The following LUC7L variants were observed in gnomAD, a reference collection of about 807,000 sequenced individuals.
The protein encoded by LUC7L is LUC7 like, also known as putative RNA-binding protein Luc7-like 1.
In LUC7L, 29 loss-of-function variants were observed where a neutral mutation model predicts 51.1. The ratio of observed to expected loss-of-function variants is 0.57; its 90% CI spans 0.42 to 0.77. The LOEUF (loss-of-function observed/expected upper bound fraction) is 0.77. LUC7L is among the 30% of genes least tolerant of loss of function. The pLI, the probability that LUC7L is intolerant of heterozygous loss-of-function variation, is 0.00. For missense variants in LUC7L, 403 were observed against 511.9 expected (o/e 0.79, Z 2.05); for synonymous variants, 181 against 180.7 (o/e 1.00, Z -0.01).
intron 5 of LUC7L, among the ~76,000 whole-genome samples, chr16:201,242 TAAAAAAAAA>T (rs764945208): frequency 1.3e-5 from 1 of 78,520 alleles, no homozygotes; most frequent in East Asian, 4.5e-4. Context: ...GCTACATAAC[TAAAAAAAAA>T]AAAAAAAAAA....
At chr16:229,099 C>A (rs1020089629) in intron 1 of LUC7L, 180 bp downstream of exon 1, 6 of 1,410,120 alleles carry the variant, frequency 4.3e-6, no homozygotes, top group South Asian at 1.5e-5. Flanking sequence ...GACCCACGGC[C>A]GCCTCAGAGA....
At chr16:210,384 C>A (rs143321474) in intron 3 of LUC7L, among the ~76,000 whole-genome samples, 1 of 152,152 alleles carries the variant, frequency 6.6e-6, no homozygotes, top group African/African-American at 2.4e-5. Context: ...ACAAATGATC[C>A]GGCATTTGAC....
At chr16:228,679 C>T in intron 1 of LUC7L, 1 of 1,181,646 alleles carries the variant, frequency 8.5e-7, no homozygotes, top group Non-Finnish European at 1.1e-6. Flanking sequence ...TCTTGAGCTC[C>T]TCCCTACACA....
At chr16:198,983 A>C (rs1455010343) in intron 6 of LUC7L, 79 bp downstream of exon 6, 66 of 1,430,008 alleles carry the variant, frequency 4.6e-5, no homozygotes, top group African/African-American at 1.4e-5. Flanking sequence ...CCCGGCCAAA[A>C]CATAAGGTTT....
intron 7 of LUC7L, among the ~76,000 whole-genome samples, chr16:192,502 C>CT (rs398058029): frequency 0.08 from 10,044 of 125,576 alleles, 577 homozygotes; most frequent in African/African-American, 0.12. Context: ...ATGCTGTTTA[C>CT]TTTTTTTTTT....
At chr16:226,235 TAA>T (rs2050129416) in intron 2 of LUC7L, among the ~76,000 whole-genome samples, 1 of 152,210 alleles carries the variant, frequency 6.6e-6, no homozygotes, top group Non-Finnish European at 1.5e-5. Context: ...TGCTCCTCCC[TAA>T]TATAAGCAAT....
Position 208,809 on chromosome 16 carries a change from C to T in LUC7L, c.256-621G>A, listed in dbSNP as rs553065972. ...GAAGCTGTAGACGTCAAATTGCTTACTCTGAAAAGGGTGGTGGGAAACATT... is the reference window on the plus strand; with the variant it reads ...GAAGCTGTAGACGTCAAATTGCTTATTCTGAAAAGGGTGGTGGGAAACATT... On this transcript the variant is annotated intron_variant, in intron 3 of 9. Transcript: ENST00000293872. The T allele has an allele frequency of 1.1e-3, 181 of 161,400 alleles. 3 individuals carry two copies. The South Asian group carries it at 0.021, about 19-fold the overall frequency. 10.0% of individuals were successfully genotyped at this position (161,400 alleles called of 1,614,324 possible). A position where few individuals can be genotyped will look rare whatever the true frequency, so the allele number is the denominator to read the frequency against.
intron 2 of LUC7L, among the ~76,000 whole-genome samples, chr16:221,167 G>A (rs928046792): frequency 4.1e-5 from 6 of 146,880 alleles, no homozygotes; most frequent in Non-Finnish European, 7.4e-5. Flanking sequence ...TTACAGGCAC[G>A]TGATACCACA....
At chr16:195,422 G>A (rs1360558060) in intron 6 of LUC7L, among the ~76,000 whole-genome samples, 1 of 151,698 alleles carries the variant, frequency 6.6e-6, no homozygotes. Context: ...GCCAGAGGGA[G>A]ACCCTGTCTC....
intron 2 of LUC7L, among the ~76,000 whole-genome samples, chr16:223,503 A>G (rs1427549478): frequency 2.6e-5 from 4 of 152,146 alleles, no homozygotes. Flanking sequence ...TTGACGAAAG[A>G]TTGACTTTTC....
intron 3 of LUC7L, among the ~76,000 whole-genome samples, chr16:217,630 C>T (rs1177230390): frequency 1.3e-5 from 2 of 151,300 alleles, no homozygotes; most frequent in Admixed American, 1.3e-4. Context: ...TCGCTTGAAA[C>T]CAGGAGGCAG....
intron 5 of LUC7L, among the ~76,000 whole-genome samples, 167 bp from the exon 6 acceptor site, chr16:199,405 GT>G (rs1222881535): frequency 4.6e-5 from 7 of 152,174 alleles, no homozygotes; most frequent in Non-Finnish European, 1.0e-4. Flanking sequence ...AATTTTCACT[GT>G]TTATTTAAGA....
At chr16:228,876 G>A (rs558613310) in intron 1 of LUC7L, 1 of 1,315,068 alleles carries the variant, frequency 7.6e-7, no homozygotes, top group Non-Finnish European at 9.9e-7. Context: ...GCTCCCTCGG[G>A]TGTAGCTTCT....
chr16:193,904 C>T (rs934874551), intron 6 of LUC7L, among the ~76,000 whole-genome samples: 2 of 150,682 alleles, frequency 1.3e-5, no homozygotes, highest in East Asian at 2.0e-4. Context: ...CCCGGGTTCA[C>T]GCCATTCTCC....
At chr16:189,803 C>A in intron 9 of LUC7L, 165 bp downstream of exon 9, 1 of 1,430,268 alleles carries the variant, frequency 7.0e-7, no homozygotes, top group Non-Finnish European at 9.1e-7. Context: ...TCCTCCACAG[C>A]CCTCTCGCCT....
intron 3 of LUC7L, among the ~76,000 whole-genome samples, chr16:211,820 G>A (rs7203764): frequency 0.011 from 1,608 of 152,304 alleles, 23 homozygotes; most frequent in African/African-American, 0.037. Context: ...CATCTCCACT[G>A]AGGAGGCTGT....
intron 1 of LUC7L, chr16:229,030 A>G (rs1308614299): frequency 1.4e-6 from 2 of 1,430,690 alleles, no homozygotes; most frequent in Middle Eastern, 2.2e-4. Flanking sequence ...AGGACGGTAC[A>G]TAGGAAGGAG....
chr16:220,560 C>A lies in LUC7L; in HGVS notation c.255+89G>T, dbSNP rs1054733462. On this transcript the variant is annotated intron_variant, in intron 3 of 9. Coordinates refer to ENST00000293872, the MANE Select transcript of LUC7L (RefSeq NM_201412.3). ...AACAAGCAACTACCTTATTATTTTGCTTCATAACTTACGTATGTTACATTT... is the reference window on the plus strand; with the variant it reads ...AACAAGCAACTACCTTATTATTTTGATTCATAACTTACGTATGTTACATTT... The A allele has an allele frequency of 7.3e-6, 7 of 955,992 alleles. No homozygotes were observed. The African/African-American group carries it at 8.2e-5, about 11-fold the overall frequency. 59.2% of individuals were successfully genotyped at this position (955,992 alleles called of 1,614,324 possible).
chr16:229,144 T>C (rs930799754), intron 1 of LUC7L, 135 bp downstream of exon 1: 29 of 1,411,280 alleles, frequency 2.1e-5, no homozygotes, highest in Non-Finnish European at 2.5e-5. Flanking sequence ...GCGCCTGCGG[T>C]CGGAGCGCGG....
Sources: allele counts gnomAD v4.1 joint callset (sites outside exome capture counted in the v4.1 genomes callset), GRCh38; gene constraint gnomAD v4.1.1; transcripts MANE v1.5; gene names NCBI Gene and HGNC (gene_info 2026-07-23, HGNC 2026-07-21).